Variants in HNF1B observed in about 807,000 individuals in gnomAD.
HNF1B encodes HNF1 homeobox B.
A neutral mutation model predicts 61.7 loss-of-function variants in HNF1B; 8 were observed. The ratio of observed to expected loss-of-function variants is 0.13; its 90% CI spans 0.08 to 0.23. HNF1B has a LOEUF of 0.23. Ranked by LOEUF, HNF1B falls within the 10% of genes least tolerant of loss-of-function variation. The pLI is 1.00. For missense variants in HNF1B, 562 were observed against 714.5 expected (o/e 0.79, Z 2.43); for synonymous variants, 314 against 287.7 (o/e 1.09, Z -0.93).
chr17:37,690,559 G>A (rs2032164941), intron 8 of HNF1B, among the ~76,000 whole-genome samples: 1 of 152,200 alleles, frequency 6.6e-6, no homozygotes, highest in South Asian at 2.1e-4. Context: ...GGGCAGTCCT[G>A]ATGGGAGTGT....
intron 1 of HNF1B, among the ~76,000 whole-genome samples, chr17:37,742,605 G>A (rs955278944): frequency 6.6e-5 from 10 of 152,090 alleles, no homozygotes; most frequent in Non-Finnish European, 1.5e-4. Flanking sequence ...GGAGAAAAAA[G>A]CCTCCAGGTC....
rs766823539 is a variant in HNF1B, at chr17:37,687,274, G to C, written c.*98C>G. 3.1e-6 allele frequency: 5 copies of C among 1,607,750 alleles called. No homozygotes were observed. The highest frequency in any genetic ancestry group is 3.3e-5 in the Admixed American group (2 of 59,902). On this transcript the variant is annotated 3_prime_UTR_variant, in exon 9 of 9. Coordinates refer to ENST00000617811, the MANE Select transcript of HNF1B (RefSeq NM_000458.4). ...AAGCAGGGACCTCTCGCAGGTGCTG[G>C]TCAGGTCACTGGGCTTTTCCATGAC...
At chr17:37,737,576 C>T (rs1441765094) in intron 2 of HNF1B, among the ~76,000 whole-genome samples, 1 of 151,984 alleles carries the variant, frequency 6.6e-6, no homozygotes, top group East Asian at 1.9e-4. Context: ...CCCTGTAATC[C>T]CAGCACTTTG....
rs759905374 is a variant in HNF1B at position 37,731,643 on chromosome 17, C to A, written c.997G>T (p.Gly333Cys). Reference sequence around the variant, plus strand: ...GAGCTGGGCTGGTGGTGGGGGGAGCCGTGGGAGAGCAGAGGGTTCAGGCTG... The same window carrying A: ...GAGCTGGGCTGGTGGTGGGGGGAGCAGTGGGAGAGCAGAGGGTTCAGGCTG... ...THSLNPLLSH[G>C]SPHHQPSSSP... The change falls in exon 4 of 9, where the codon GGC becomes TGC. Residue 333 changes from glycine (G) to cysteine (C), a missense_variant. Physicochemically the swap from Gly to Cys is radical, Grantham distance 159 (BLOSUM62 -3). Transcript: ENST00000617811. 6.2e-7 allele frequency: 1 copy of A among 1,613,940 alleles called. No homozygotes were observed.
intron 7 of HNF1B, among the ~76,000 whole-genome samples, chr17:37,700,679 G>A (rs552092040): frequency 6.6e-6 from 1 of 152,306 alleles, no homozygotes; most frequent in African/African-American, 2.4e-5. Flanking sequence ...TTCCAGAGGT[G>A]TTGGAATGGG....
intron 1 of HNF1B, among the ~76,000 whole-genome samples, chr17:37,740,416 A>G (rs1339138507): frequency 6.6e-6 from 1 of 152,170 alleles, no homozygotes; most frequent in African/African-American, 2.4e-5. Flanking sequence ...GAATTTGCCC[A>G]ATTTTAGCTT....
chr17:37,705,138 G>A, intron 5 of HNF1B, 89 bp from the exon 6 acceptor site: 1 of 1,316,138 alleles, frequency 7.6e-7, no homozygotes, highest in South Asian at 1.3e-5. Context: ...CGATTCCTTG[G>A]CATGACTAGT....
intron 3 of HNF1B, among the ~76,000 whole-genome samples, chr17:37,732,274 G>A (rs1379879329): frequency 6.6e-6 from 1 of 152,234 alleles, no homozygotes; most frequent in Non-Finnish European, 1.5e-5. Flanking sequence ...CTCCCTGAAA[G>A]AGTGCCAGGA....
chr17:37,694,429 C>A (rs1169473430), intron 8 of HNF1B, among the ~76,000 whole-genome samples: 2 of 36,260 alleles, frequency 5.5e-5, no homozygotes, highest in Non-Finnish European at 8.4e-5. Context: ...TCCATCCCCC[C>A]GCCCCGCCGC....
chr17:37,743,119 C>A (rs2034049764), intron 1 of HNF1B, among the ~76,000 whole-genome samples: 1 of 152,188 alleles, frequency 6.6e-6, no homozygotes, highest in South Asian at 2.1e-4. Context: ...CGCCCCAGGT[C>A]CTTCCAGCGC....
intron 1 of HNF1B, among the ~76,000 whole-genome samples, chr17:37,742,451 CA>C (rs1173809742): frequency 6.6e-6 from 1 of 152,178 alleles, no homozygotes; most frequent in Non-Finnish European, 1.5e-5. Flanking sequence ...ACACGGTGGG[CA>C]AAAGAAGGGA....
chr17:37,699,300 AGGGCTGGTG>A, intron 7 of HNF1B, 106 bp from the exon 8 acceptor site: 2 of 855,770 alleles, frequency 2.3e-6, no homozygotes, highest in South Asian at 2.7e-5. Flanking sequence ...GGTAGATAAA[AGGGCTGGTG>A]GTTATAGTGG....
Position 37,718,928 on chromosome 17 carries a change from A to C in HNF1B, c.1046-8265T>G, listed in dbSNP as rs777482693. Among the ~76,000 whole-genome samples, 65 of 152,016 alleles carry C rather than the reference A, an allele frequency of 4.3e-4. 1 individual carries two copies. Among genetic ancestry groups the C allele is most frequent in the Non-Finnish European group, 5.0e-4 (34 of 68,012 alleles). ...ACTGGAGTATGTCCATTTATCCTCT[A>C]AATCTCCCAGTTTTTCTTTTCTTTT... On this transcript the variant is annotated intron_variant, in intron 4 of 8. Transcript: ENST00000617811.
chr17:37,713,657 T>C (rs1270480980), intron 4 of HNF1B, among the ~76,000 whole-genome samples: 2 of 152,190 alleles, frequency 1.3e-5, no homozygotes, highest in Non-Finnish European at 2.9e-5. Context: ...AGCTCTGCTA[T>C]CAATTTCTTG....
At chr17:37,693,122 G>A (rs918848233) in intron 8 of HNF1B, among the ~76,000 whole-genome samples, 12 of 150,668 alleles carry the variant, frequency 8.0e-5, no homozygotes, top group Admixed American at 1.3e-4. Context: ...CCCAGTAGGC[G>A]GAGGTTGCAG....
At chr17:37,742,539 A>C (rs1045638736) in intron 1 of HNF1B, among the ~76,000 whole-genome samples, 5 of 151,988 alleles carry the variant, frequency 3.3e-5, no homozygotes, top group African/African-American at 1.2e-4. Context: ...AAATTACTTT[A>C]ATCAAGTCCG....
intron 4 of HNF1B, among the ~76,000 whole-genome samples, chr17:37,727,478 TCAAAGCCC>T (rs1473520756): frequency 6.6e-6 from 1 of 152,158 alleles, no homozygotes; most frequent in African/African-American, 2.4e-5. Context: ...CCAGGCTGGT[TCAAAGCCC>T]CAACTTAATT....
chr17:37,706,713 G>C (rs1193248041), intron 5 of HNF1B, among the ~76,000 whole-genome samples: 2 of 147,884 alleles, frequency 1.4e-5, no homozygotes, highest in African/African-American at 2.5e-5. Flanking sequence ...CCTGCCCTCA[G>C]ACTGAATCTC....
At chr17:37,739,663 G>T in intron 1 of HNF1B, 24 bp from the exon 2 acceptor site, 3 of 1,565,262 alleles carry the variant, frequency 1.9e-6, no homozygotes, top group Non-Finnish European at 2.6e-6. Flanking sequence ...CAGATGGTTA[G>T]GGTACTAGTG....
Sources: gnomAD v4.1 joint callset for allele counts (sites outside exome capture counted in the v4.1 genomes callset) on GRCh38, gnomAD v4.1.1 for gene constraint, MANE v1.5 for transcripts, NCBI Gene and HGNC (gene_info 2026-07-23, HGNC 2026-07-21) for gene names.